The following OXA1L variants were observed in gnomAD, a reference collection of about 807,000 sequenced individuals.
OXA1L encodes OXA1L mitochondrial inner membrane insertase, also known as mitochondrial inner membrane protein OXA1L.
In OXA1L, 42 loss-of-function variants were observed where a neutral mutation model predicts 52.2. The observed-to-expected ratio is 0.80, with a 90% CI of 0.63 to 1.04. The LOEUF (loss-of-function observed/expected upper bound fraction) is 1.04. OXA1L is among the 50% of genes least tolerant of loss of function. The pLI is 0.00. For synonymous variants in OXA1L, 239 were observed against 201.9 expected (o/e 1.18, Z -1.56); for missense variants, 572 against 555.0 (o/e 1.03, Z -0.31).
chr14:22,772,489 A>AAAAAAAAAG lies in OXA1L; in HGVS notation c.*939_*940insGAAAAAAAA, dbSNP rs2038486407. 1.0e-4 allele frequency: 1 copy of AAAAAAAAAG among 9,588 alleles called. No individual in the cohort carries two copies. The highest frequency in any genetic ancestry group is 1.5e-3 in the Admixed American group (1 of 648). The allele number at this position is 9,588 out of a possible 1,614,324, so 0.6% of individuals were successfully genotyped here. On this transcript the variant is annotated 3_prime_UTR_variant, in exon 10 of 10. Coordinates refer to ENST00000612549, the MANE Select transcript of OXA1L (RefSeq NM_005015.5). ...GGGCAAGAGAGTGAGACTCCTTCTC[A>AAAAAAAAAG]AAAAAAAAAAAAAAAAAAAAAAAAA...
Position 22,772,508 on chromosome 14 carries a change from A to AAAAC in OXA1L, c.*953_*954insCAAA, listed in dbSNP as rs1434780847. ...CTTCTCAAAAAAAAAAAAAAAAAAA[A>AAAAC]AAAAAAAAAAACAGTTTAAACTTCC... is the stretch of plus-strand genomic sequence containing the variant. On this transcript the variant is annotated 3_prime_UTR_variant, in exon 10 of 10. Transcript: ENST00000612549. 5 of 137,714 alleles carry AAAAC rather than the reference A, an allele frequency of 3.6e-5. No homozygotes were observed. The highest frequency in any genetic ancestry group is 6.3e-5 in the Non-Finnish European group (4 of 63,614). 8.5% of individuals were successfully genotyped at this position (137,714 alleles called of 1,614,324 possible).
intron 1 of OXA1L, 39 bp from the exon 2 acceptor site, chr14:22,767,208 CT>C: frequency 6.3e-7 from 1 of 1,580,294 alleles, no homozygotes; most frequent in Admixed American, 1.8e-5. Context: ...AGGACTTCTG[CT>C]CCCGGTAAAG....
Position 22,771,428 on chromosome 14 carries a change from C to T in OXA1L, c.1184-6C>T, listed in dbSNP as rs748632345. On this transcript the variant is annotated splice_polypyrimidine_tract_variant and splice_region_variant and intron_variant, in intron 9 of 9. Transcript: ENST00000612549. ...CGTTGAAATTTGTTTTCTCTTCTCC[C>T]CTCAGGTCCTTTACGACAGACCTTT... 2.5e-6 allele frequency: 4 copies of T among 1,614,050 alleles called. No homozygotes were observed. The highest frequency in any genetic ancestry group is 3.4e-6 in the Non-Finnish European group (4 of 1,180,036).
At position 22,771,254 on chromosome 14, in the gene OXA1L, T is replaced by A. The variant is rs1258303704; in HGVS notation, c.1103-14T>A. 3 of 1,613,676 alleles carry A rather than the reference T, an allele frequency of 1.9e-6. No homozygotes were observed. In the Admixed American group the frequency reaches 5.0e-5, roughly 27 times the overall value. Reference sequence around the variant, plus strand: ...ATAGGAATGCAACTGACTCTCTTGCTTCTCTTTACACAGGCTGGAAAAATG... The same window carrying A: ...ATAGGAATGCAACTGACTCTCTTGCATCTCTTTACACAGGCTGGAAAAATG... On this transcript the variant is annotated splice_polypyrimidine_tract_variant and intron_variant, in intron 8 of 9. Transcript: ENST00000612549.
In OXA1L at chr14:22,771,960, T is replaced by C; in HGVS notation, c.*402T>C. ...GCTGTTTTACAAAAATAGCCACACG[T>C]GGTGGTGCACACCTGTAGTCCCAGC... is the stretch of plus-strand genomic sequence containing the variant. On this transcript the variant is annotated 3_prime_UTR_variant, in exon 10 of 10. Coordinates refer to ENST00000612549, the MANE Select transcript of OXA1L (RefSeq NM_005015.5). 1.0e-5 allele frequency: 2 copies of C among 198,342 alleles called. No individual in the cohort carries two copies. Among genetic ancestry groups the C allele is most frequent in the Non-Finnish European group, 2.1e-5 (2 of 96,008 alleles). 12.3% of individuals were successfully genotyped at this position (198,342 alleles called of 1,614,324 possible).
At chr14:22,766,913 G>C in intron 1 of OXA1L, 149 bp downstream of exon 1, 6 of 1,513,858 alleles carry the variant, frequency 4.0e-6, no homozygotes, top group Middle Eastern at 1.7e-4. Flanking sequence ...GGACGCGCTA[G>C]GGTTAGTCCC....
intron 1 of OXA1L, chr14:22,767,006 G>A: frequency 6.5e-7 from 1 of 1,535,096 alleles, no homozygotes; most frequent in Non-Finnish European, 8.7e-7. Context: ...TCGTTCTCAG[G>A]GCCCTCCGAT....
At position 22,766,727 on chromosome 14, in the gene OXA1L, G is replaced by C. The variant is rs761782011; in HGVS notation, c.26G>C (p.Arg9Pro). 5.6e-6 allele frequency: 9 copies of C among 1,614,248 alleles called. No homozygotes were observed. Among genetic ancestry groups the C allele is most frequent in the Non-Finnish European group, 6.8e-6 (8 of 1,180,044 alleles). MAMGLMCG[R>P]RELLRLLQSG... Reference sequence around the variant, plus strand: ...ATGGCGATGGGACTAATGTGCGGACGCCGGGAGCTTCTGCGCTTGCTACAG... The same window carrying C: ...ATGGCGATGGGACTAATGTGCGGACCCCGGGAGCTTCTGCGCTTGCTACAG... Residue 9 changes from arginine to proline, a missense_variant, in exon 1 of 10, where the codon CGC (arginine) becomes CCC (proline). Physicochemically the swap from Arg to Pro is moderately radical, Grantham distance 103 (BLOSUM62 -2). Transcript: ENST00000612549.
chr14:22,771,332 G>C lies in OXA1L; in HGVS notation c.1167G>C (p.Leu389Phe). The C allele has an allele frequency of 6.2e-7, 1 of 1,614,204 alleles. No homozygotes were observed. The highest frequency in any genetic ancestry group is 1.1e-5 in the South Asian group (1 of 91,088). Residue 389 changes from leucine (L) to phenylalanine (F), a missense_variant, in exon 9 of 10, where the codon TTG becomes TTC. Physicochemically the swap from Leu to Phe is conservative, Grantham distance 22 (BLOSUM62 0). Coordinates refer to ENST00000612549, the MANE Select transcript of OXA1L (RefSeq NM_005015.5). The stretch of plus-strand genomic sequence containing the variant: ...GTGAACAACGCATGCGGAATCAGTT[G>C]GAGCTAGCAGCCAGGGGTAAATAGT... ...REREQRMRNQ[L>F]ELAARGPLRQ...
chr14:22,770,856 G>T lies in OXA1L; in HGVS notation c.886G>T (p.Val296Phe). 1 of 1,614,210 alleles carries T rather than the reference G, an allele frequency of 6.2e-7. No individual in the cohort carries two copies. The highest frequency in any genetic ancestry group is 1.3e-5 in the African/African-American group (1 of 75,056). ...QSSDLQWMRN[V>F]IRMMPLITLP... is the part of the protein sequence containing the mutation. ...TTCTGACCTTCAGTGGATGAGAAAT[G>T]TCATCAGAATGATGCCCCTGATAAC... Residue 296 changes from valine (V) to phenylalanine (F), a missense_variant, in exon 7 of 10, where the codon GTC becomes TTC. By Grantham distance (50) the Val-to-Phe change is conservative. Coordinates refer to ENST00000612549, the MANE Select transcript of OXA1L (RefSeq NM_005015.5).
intron 3 of OXA1L, 37 bp from the exon 4 acceptor site, chr14:22,769,754 C>T: frequency 6.2e-7 from 1 of 1,612,928 alleles, no homozygotes; most frequent in East Asian, 2.2e-5. Context: ...TGCAGAACTG[C>T]TTTAATTTCA....
In OXA1L at chr14:22,769,900, CAGAG is replaced by C. The variant is rs1314497873; in HGVS notation, c.552_555del (p.Glu185ProfsTer3). The C allele has an allele frequency of 6.2e-7, 1 of 1,614,132 alleles. No individual in the cohort carries two copies. Among genetic ancestry groups the C allele is most frequent in the Admixed American group, 1.7e-5 (1 of 60,004 alleles). On this transcript the variant is annotated frameshift_variant, in exon 4 of 10. Coordinates refer to ENST00000612549, the MANE Select transcript of OXA1L (RefSeq NM_005015.5). LOFTEE classifies it high-confidence loss of function. ...AGATCCAGAAGTTTTCCAGTCGAATCAGAGAGGCCAAGTTAGCAGGAGACCATAT... is the reference window on the plus strand; with the variant it reads ...AGATCCAGAAGTTTTCCAGTCGAATCAGGCCAAGTTAGCAGGAGACCATAT...
rs33950046 is a variant in OXA1L, at chr14:22,772,320, T to TA, written c.*781dup. ...CAACATGGTGAAACCCCGTCTCTAC[T>TA]AAAAAAAAAAAAAAAAAAATTAGCC... On this transcript the variant is annotated 3_prime_UTR_variant, in exon 10 of 10. Transcript: ENST00000612549. 0.049 allele frequency: 6,237 copies of TA among 127,874 alleles called. 231 individuals are homozygous for TA. Among genetic ancestry groups the TA allele is most frequent in the African/African-American group, 0.1 (3,342 of 32,952 alleles). The allele number at this position is 127,874 out of a possible 1,614,324, so 7.9% of individuals were successfully genotyped here. A position where few individuals can be genotyped will look rare whatever the true frequency, so the allele number is the denominator to read the frequency against.
In OXA1L at chr14:22,771,336, C is replaced by T. The variant is rs772532770; in HGVS notation, c.1171C>T (p.Leu391=). The change falls in exon 9 of 10, where the codon CTA becomes TTA. Residue 391 remains leucine, a synonymous_variant. Transcript: ENST00000612549. ...ACAACGCATGCGGAATCAGTTGGAG[C>T]TAGCAGCCAGGGGTAAATAGTCCTT... ...REQRMRNQLE[L]AARGPLRQTF... is the part of the protein sequence containing the mutation. 6.2e-7 allele frequency: 1 copy of T among 1,614,192 alleles called. No homozygotes were observed. Among genetic ancestry groups the T allele is most frequent in the Admixed American group, 1.7e-5 (1 of 60,024 alleles).
rs993969198 is a variant in OXA1L at position 22,771,925 on chromosome 14, C to T, written c.*367C>T. 13 of 205,166 alleles carry T rather than the reference C, an allele frequency of 6.3e-5. No individual in the cohort carries two copies. Among genetic ancestry groups the T allele is most frequent in the Admixed American group, 1.6e-4 (3 of 18,956 alleles). 12.7% of individuals were successfully genotyped at this position (205,166 alleles called of 1,614,324 possible). ...GACCAGCCTGGCCAACATGGGGAAA[C>T]GCCATCTCTGCTGTTTTACAAAAAT... On this transcript the variant is annotated 3_prime_UTR_variant, in exon 10 of 10. Transcript: ENST00000612549.
chr14:22,769,394 G>C (rs1270622096), intron 3 of OXA1L, among the ~76,000 whole-genome samples: 1 of 152,128 alleles, frequency 6.6e-6, no homozygotes, highest in Non-Finnish European at 1.5e-5. Flanking sequence ...TCATTCTTTT[G>C]ATAGCTGTTA....
chr14:22,769,664 T>A (rs1248425572), intron 3 of OXA1L, 127 bp from the exon 4 acceptor site: 1 of 963,238 alleles, frequency 1.0e-6, no homozygotes, highest in Non-Finnish European at 1.6e-6. Context: ...TTTCTGGGCC[T>A]CTTAGGCATG....
rs752108617 is a variant in OXA1L, at chr14:22,771,014, C to T, written c.940-4C>T. 1.2e-6 allele frequency: 2 copies of T among 1,613,970 alleles called. No homozygotes were observed. Among genetic ancestry groups the T allele is most frequent in the Non-Finnish European group, 1.7e-6 (2 of 1,179,988 alleles). On this transcript the variant is annotated splice_region_variant and splice_polypyrimidine_tract_variant and intron_variant, in intron 7 of 9. Transcript: ENST00000612549. ...CTGAGTCCCTTCTCTGTGTTCTCAC[C>T]CAGGCAGTGTTTATGTACTGGCTCT...
intron 3 of OXA1L, chr14:22,768,446 A>G: frequency 2.2e-6 from 1 of 446,232 alleles, no homozygotes; most frequent in Non-Finnish European, 4.1e-6. Context: ...TCATGAAGCT[A>G]TCCTGGTTTA....
Sources: allele counts gnomAD v4.1 joint callset (sites outside exome capture counted in the v4.1 genomes callset), GRCh38; gene constraint gnomAD v4.1.1; transcripts MANE v1.5; gene names NCBI Gene and HGNC (gene_info 2026-07-23, HGNC 2026-07-21).